Variants in RAB31 observed in about 807,000 individuals in gnomAD.
RAB31 encodes ras-related protein Rab-31.
In RAB31, 21 loss-of-function variants were observed where a neutral mutation model predicts 25.6. The observed-to-expected ratio is 0.82, with a 90% CI of 0.58 to 1.18. The LOEUF (loss-of-function observed/expected upper bound fraction) is 1.18, where lower values mean the gene tolerates loss of function less well. Ranked by LOEUF, RAB31 falls within the 50% of genes most tolerant of loss-of-function variation. The pLI, the probability that RAB31 is intolerant of heterozygous loss-of-function variation, is 0.00. For missense variants in RAB31, 196 were observed against 250.1 expected (o/e 0.78, Z 1.46); for synonymous variants, 87 against 84.0 (o/e 1.04, Z -0.20).
intron 2 of RAB31, among the ~76,000 whole-genome samples, chr18:9,784,299 C>G (rs1234370533): frequency 6.6e-6 from 1 of 152,012 alleles, no homozygotes. Context: ...CTTGGCCTCC[C>G]AAAGTGCTGG....
At chr18:9,788,342 G>T (rs903118824) in intron 2 of RAB31, among the ~76,000 whole-genome samples, 2 of 152,176 alleles carry the variant, frequency 1.3e-5, no homozygotes, top group African/African-American at 4.8e-5. Flanking sequence ...ACCACAGGAA[G>T]ATATCATCTC....
At chr18:9,750,255 G>T (rs538509333) in intron 1 of RAB31, among the ~76,000 whole-genome samples, 1 of 152,192 alleles carries the variant, frequency 6.6e-6, no homozygotes, top group African/African-American at 2.4e-5. Context: ...TTGGATCTAG[G>T]ATCAAGATGA....
intron 1 of RAB31, among the ~76,000 whole-genome samples, chr18:9,727,356 G>C (rs115799920): frequency 2.0e-5 from 3 of 152,148 alleles, no homozygotes; most frequent in Non-Finnish European, 4.4e-5. Context: ...TCTCTCTGTC[G>C]TCTAGGCTAG....
chr18:9,856,951 A>G (rs2068819227), intron 6 of RAB31, among the ~76,000 whole-genome samples: 1 of 152,146 alleles, frequency 6.6e-6, no homozygotes, highest in African/African-American at 2.4e-5. Flanking sequence ...AGGTTGACCA[A>G]GTAGAAGAGG....
At chr18:9,754,818 G>A (rs1285907177) in intron 1 of RAB31, among the ~76,000 whole-genome samples, 2 of 152,204 alleles carry the variant, frequency 1.3e-5, no homozygotes, top group Non-Finnish European at 2.9e-5. Context: ...ACAACTGTAT[G>A]TACTGTTGAA....
chr18:9,833,009 C>G (rs549068821), intron 5 of RAB31, among the ~76,000 whole-genome samples: 1 of 152,082 alleles, frequency 6.6e-6, no homozygotes, highest in African/African-American at 2.4e-5. Flanking sequence ...CGGAGGAGAA[C>G]GCCTACTGCC....
intron 3 of RAB31, among the ~76,000 whole-genome samples, chr18:9,802,300 A>T (rs2068517843): frequency 6.6e-6 from 1 of 152,224 alleles, no homozygotes; most frequent in Non-Finnish European, 1.5e-5. Flanking sequence ...ATTATCAATG[A>T]TAAGCAAGTT....
chr18:9,714,921 C>T (rs1029626173), intron 1 of RAB31, among the ~76,000 whole-genome samples: 6 of 152,136 alleles, frequency 3.9e-5, no homozygotes, highest in South Asian at 2.1e-4. Flanking sequence ...ACTGTCATCC[C>T]GCTTAGTAGA....
intron 1 of RAB31, among the ~76,000 whole-genome samples, chr18:9,709,611 C>T (rs1370841271): frequency 6.6e-6 from 1 of 152,182 alleles, no homozygotes; most frequent in Non-Finnish European, 1.5e-5. Flanking sequence ...CTCCCATCAC[C>T]GGCCTCTTCC....
intron 1 of RAB31, among the ~76,000 whole-genome samples, chr18:9,715,026 A>C (rs2145453600): frequency 6.6e-6 from 1 of 152,180 alleles, no homozygotes; most frequent in Non-Finnish European, 1.5e-5. Context: ...TAGAGACAGA[A>C]AGTAGGTCAG....
At chr18:9,835,017 C>A (rs2068697012) in intron 5 of RAB31, among the ~76,000 whole-genome samples, 1 of 152,148 alleles carries the variant, frequency 6.6e-6, no homozygotes, top group Admixed American at 6.5e-5. Flanking sequence ...AACTGAGTGC[C>A]TACTGTGTGC....
intron 5 of RAB31, among the ~76,000 whole-genome samples, chr18:9,843,175 G>A (rs1361356662): frequency 1.3e-5 from 2 of 152,160 alleles, no homozygotes; most frequent in Admixed American, 1.3e-4. Context: ...CCCCAGTAGG[G>A]TAGCAGGTGA....
In RAB31 at chr18:9,807,956, C is replaced by T. The variant is rs74854663; in HGVS notation, c.202-6064C>T. On this transcript the variant is annotated intron_variant, in intron 3 of 6. Coordinates refer to ENST00000578921, the MANE Select transcript of RAB31 (RefSeq NM_006868.4). ...TGGCACCACTGTACTCCATCCTGGA[C>T]GACAGAGCGAGACCCTGTCCCAGTC... Among the ~76,000 whole-genome samples the T allele has an allele frequency of 1.1e-3, 163 of 152,274 alleles. 1 individual carries two copies. The East Asian group carries it at 0.029, about 27-fold the overall frequency.
At position 9,782,026 on chromosome 18, in the gene RAB31, T is replaced by C. The variant is rs573680371; in HGVS notation, c.119+6669T>C. On this transcript the variant is annotated intron_variant, in intron 2 of 6. Coordinates refer to ENST00000578921, the MANE Select transcript of RAB31 (RefSeq NM_006868.4). Reference sequence around the variant, plus strand: ...TGCATTCCTGGTTTCTCTTGAAAAATCAGTGGGTTTGGAGCCCTGGTGCCC... The same window carrying C: ...TGCATTCCTGGTTTCTCTTGAAAAACCAGTGGGTTTGGAGCCCTGGTGCCC... Among the ~76,000 whole-genome samples the C allele has an allele frequency of 9.5e-4, 145 of 152,252 alleles. 1 individual carries two copies. Among genetic ancestry groups the C allele is most frequent in the African/African-American group, 3.3e-3 (139 of 41,554 alleles).
chr18:9,753,799 C>A (rs2068247231), intron 1 of RAB31, among the ~76,000 whole-genome samples: 1 of 152,130 alleles, frequency 6.6e-6, no homozygotes, highest in Admixed American at 6.5e-5. Context: ...AAAATGGGAA[C>A]GATGATACCT....
intron 2 of RAB31, 69 bp from the exon 3 acceptor site, chr18:9,792,085 T>G: frequency 6.5e-7 from 1 of 1,540,286 alleles, no homozygotes; most frequent in Non-Finnish European, 8.8e-7. Context: ...AGCATTTAAC[T>G]TGTTTGATTT....
intron 3 of RAB31, among the ~76,000 whole-genome samples, chr18:9,802,149 C>A: frequency 6.6e-6 from 1 of 152,282 alleles, no homozygotes; most frequent in Admixed American, 6.5e-5. Context: ...ATTGTTTTAG[C>A]TATTCTGTGT....
chr18:9,848,189 GCTATCCATCTGTCTGT>G (rs1313960007), intron 6 of RAB31, among the ~76,000 whole-genome samples: 2 of 151,682 alleles, frequency 1.3e-5, no homozygotes, highest in African/African-American at 2.4e-5. Flanking sequence ...CATCTGTCTG[GCTATCCATCTGTCTGT>G]CTATCCATCT....
intron 6 of RAB31, among the ~76,000 whole-genome samples, chr18:9,852,037 T>A (rs544457652): frequency 6.6e-6 from 1 of 152,060 alleles, no homozygotes; most frequent in South Asian, 2.1e-4. Context: ...TATCAAAATG[T>A]TAACAGTGGT....
Sources: gnomAD v4.1 joint callset for allele counts (sites outside exome capture counted in the v4.1 genomes callset) on GRCh38, gnomAD v4.1.1 for gene constraint, MANE v1.5 for transcripts, NCBI Gene and HGNC (gene_info 2026-07-23, HGNC 2026-07-21) for gene names.